THRAP3: variants seen among roughly 807,000 people sequenced by gnomAD.
The protein encoded by THRAP3 is thyroid hormone receptor associated protein 3.
A neutral mutation model predicts 101.0 loss-of-function variants in THRAP3; 16 were observed. The observed-to-expected ratio is 0.16, with a 90% confidence interval of 0.11 to 0.24. The LOEUF (loss-of-function observed/expected upper bound fraction) is 0.24. Ranked by LOEUF, THRAP3 falls within the 10% of genes least tolerant of loss-of-function variation. The pLI, the probability that THRAP3 is intolerant of heterozygous loss-of-function variation, is 1.00. For missense variants in THRAP3, 989 were observed against 1,202.7 expected, an observed-to-expected ratio of 0.82 and a Z score of 2.63; for synonymous variants, 407 against 422.6, an observed-to-expected ratio of 0.96 and a Z score of 0.45.
intron 1 of THRAP3, among the ~76,000 whole-genome samples, chr1:36,231,672 A>G (rs1645029250): frequency 6.6e-6 from 1 of 152,136 alleles, no homozygotes; most frequent in Admixed American, 6.6e-5. Flanking sequence ...TGGCATGAAT[A>G]AAGGATTGAT....
intron 2 of THRAP3, among the ~76,000 whole-genome samples, chr1:36,261,971 C>T (rs994798990): frequency 1.3e-5 from 2 of 152,014 alleles, no homozygotes; most frequent in African/African-American, 4.8e-5. Context: ...CTGGACAGTA[C>T]TAGATTGGGT....
intron 1 of THRAP3, among the ~76,000 whole-genome samples, chr1:36,255,243 C>G (rs1645357896): frequency 6.6e-6 from 1 of 152,108 alleles, no homozygotes; most frequent in South Asian, 2.1e-4. Context: ...CATAAGCTTG[C>G]TTGTTACGCC....
intron 8 of THRAP3, among the ~76,000 whole-genome samples, chr1:36,295,721 A>G (rs1645940557): frequency 6.7e-6 from 1 of 149,848 alleles, no homozygotes; most frequent in South Asian, 2.1e-4. Context: ...ATAGTTTTTG[A>G]TATTCCCTTT....
At chr1:36,273,529 GC>G (rs1296822207) in intron 2 of THRAP3, among the ~76,000 whole-genome samples, 1 of 152,134 alleles carries the variant, frequency 6.6e-6, no homozygotes, top group Admixed American at 6.6e-5. Context: ...CCAAGACAAG[GC>G]TGTCCACTCT....
intron 1 of THRAP3, among the ~76,000 whole-genome samples, chr1:36,230,893 T>C (rs1298472608): frequency 6.6e-6 from 1 of 152,220 alleles, no homozygotes; most frequent in Non-Finnish European, 1.5e-5. Flanking sequence ...AAAAAGCAGA[T>C]CTGGCAGCCA....
chr1:36,284,221 C>G (rs1168302909), intron 3 of THRAP3, among the ~76,000 whole-genome samples: 1 of 152,170 alleles, frequency 6.6e-6, no homozygotes, highest in Non-Finnish European at 1.5e-5. Flanking sequence ...CAGTTCTTTT[C>G]TCCTTGTTCT....
At chr1:36,220,458 T>A (rs927350650), upstream of THRAP3, among the ~76,000 whole-genome samples, 2 of 151,460 alleles carry the variant, frequency 1.3e-5, no homozygotes, top group African/African-American at 2.4e-5. Flanking sequence ...GACTGATTAC[T>A]TGAGGTCAGG....
intron 1 of THRAP3, among the ~76,000 whole-genome samples, chr1:36,252,925 G>GGC (rs1267724926): frequency 2.0e-5 from 1 of 50,626 alleles, no homozygotes. Flanking sequence ...TATATAGATA[G>GGC]GCATATATAT....
rs1645416350 is a variant in THRAP3 at position 36,259,450 on chromosome 1, G to C, written c.-66G>C. On this transcript the variant is annotated 5_prime_UTR_variant, in exon 2 of 12. Transcript: ENST00000354618. ...GGGTGTTCTTTTGGGGTAGTGTCTG[G>C]GATCCAGTACGAGTTGAATCATTGT... 2.5e-6 allele frequency: 1 copy of C among 398,434 alleles called. No individual in the cohort carries two copies. The highest frequency in any genetic ancestry group is 1.3e-4 in the South Asian group (1 of 7,860). 24.7% of individuals were successfully genotyped at this position (398,434 alleles called of 1,614,324 possible). A position where few individuals can be genotyped will look rare whatever the true frequency, so the allele number is the denominator to read the frequency against.
At chr1:36,296,812 T>C in intron 9 of THRAP3, 42 bp downstream of exon 9, 1 of 1,502,446 alleles carries the variant, frequency 6.7e-7, no homozygotes, top group South Asian at 1.4e-5. Flanking sequence ...CTTAAGTTTC[T>C]TGTCTGTCCC....
At chr1:36,212,014 A>G in the THRAP3 span, among the ~76,000 whole-genome samples, 1 of 152,216 alleles carries the variant, frequency 6.6e-6, no homozygotes, top group Non-Finnish European at 1.5e-5. Context: ...TTATTGGCTC[A>G]TGGCATGGAA....
the THRAP3 span, among the ~76,000 whole-genome samples, chr1:36,213,572 G>A: frequency 5.3e-5 from 8 of 152,118 alleles, no homozygotes; most frequent in Non-Finnish European, 7.4e-5. Flanking sequence ...CTGGCCGGGC[G>A]CTGTGGCTCA....
chr1:36,224,697 A>G (rs991072738), intron 1 of THRAP3, among the ~76,000 whole-genome samples, 192 bp downstream of exon 1: 3 of 151,480 alleles, frequency 2.0e-5, no homozygotes, highest in African/African-American at 7.3e-5. Flanking sequence ...CCCGCCCTTT[A>G]GGTCTTCCCC....
chr1:36,214,010 GAAAGAAAGAAAGAAA>G, the THRAP3 span, among the ~76,000 whole-genome samples: 10 of 50,570 alleles, frequency 2.0e-4, no homozygotes, highest in African/African-American at 8.4e-4. Context: ...AAGAAAGAAA[GAAAGAAAGAAAGAAA>G]GAAAGAAAGA....
chr1:36,234,689 A>T (rs1645064983), intron 1 of THRAP3, among the ~76,000 whole-genome samples: 3 of 151,952 alleles, frequency 2.0e-5, no homozygotes, highest in Admixed American at 1.3e-4. Flanking sequence ...CTGATAATTC[A>T]TCTTTTCCTT....
At chr1:36,291,343 C>T in intron 5 of THRAP3, 31 bp from the exon 6 acceptor site, 1 of 1,605,622 alleles carries the variant, frequency 6.2e-7, no homozygotes, top group Non-Finnish European at 8.5e-7. Context: ...GTATTGTGTT[C>T]TAATTGGGCC....
At chr1:36,266,816 G>T (rs1314881186) in intron 2 of THRAP3, among the ~76,000 whole-genome samples, 1 of 151,960 alleles carries the variant, frequency 6.6e-6, no homozygotes, top group East Asian at 1.9e-4. Context: ...AGGCAGATTG[G>T]CTTGTTGTAA....
chr1:36,295,954 C>CTTTTTTTTTT lies in THRAP3; in HGVS notation c.2116-601_2116-592dup, dbSNP rs575028397. ...CCAGAGCTAATTTTAGCCTTCTCAA[C>CTTTTTTTTTT]TTTTTTTTTTTTTTTTTTTTTTTTT... On this transcript the variant is annotated intron_variant, in intron 8 of 11. Coordinates refer to ENST00000354618, the MANE Select transcript of THRAP3 (RefSeq NM_005119.4). 3.3e-4 allele frequency among the ~76,000 whole-genome samples: 20 copies of CTTTTTTTTTT among 60,498 alleles called. 2 individuals carry two copies. Among genetic ancestry groups the CTTTTTTTTTT allele is most frequent in the Admixed American group, 1.1e-3 (4 of 3,736 alleles). 39.7% of individuals were successfully genotyped at this position (60,498 alleles called of 152,430 possible). A position where few individuals can be genotyped will look rare whatever the true frequency, so the allele number is the denominator to read the frequency against.
intron 2 of THRAP3, among the ~76,000 whole-genome samples, chr1:36,276,660 C>T (rs1241457083): frequency 6.6e-6 from 1 of 151,908 alleles, no homozygotes; most frequent in Non-Finnish European, 1.5e-5. Context: ...AGTTTGAGAC[C>T]AGCCTGATCA....
Sources: gnomAD v4.1 joint callset for allele counts (sites outside exome capture counted in the v4.1 genomes callset) on GRCh38, gnomAD v4.1.1 for gene constraint, MANE v1.5 for transcripts, NCBI Gene and HGNC (gene_info 2026-07-23, HGNC 2026-07-21) for gene names.